Variants in PTPRD observed in about 807,000 individuals in gnomAD.
PTPRD encodes the protein protein tyrosine phosphatase receptor type D, also known as receptor-type tyrosine-protein phosphatase delta.
PTPRD carries 34 observed loss-of-function variants against 214.5 expected under a neutral mutation model. The ratio of observed to expected loss-of-function variants is 0.16; its 90% confidence interval spans 0.12 to 0.21. PTPRD has a LOEUF of 0.21. Ranked by LOEUF, PTPRD falls within the 10% of genes least tolerant of loss-of-function variation. The pLI is 1.00. For synonymous variants in PTPRD, 1,128 were observed against 845.7 expected (o/e 1.33, Z -5.79); for missense variants, 2,545 against 2,398.7 (o/e 1.06, Z -1.27).
At chr9:9,830,092 A>T (rs1230962259) in intron 5 of PTPRD, among the ~76,000 whole-genome samples, 1 of 151,714 alleles carries the variant, frequency 6.6e-6, no homozygotes, top group Non-Finnish European at 1.5e-5. Context: ...AAGTAAAAAT[A>T]ATATTGTTTT....
intron 3 of PTPRD, among the ~76,000 whole-genome samples, chr9:10,151,980 T>C (rs1040061205): frequency 6.6e-6 from 1 of 152,222 alleles, no homozygotes. Flanking sequence ...TTGGGGCAAG[T>C]ATGATTGAAG....
At chr9:8,740,970 C>G (rs977803105) in intron 11 of PTPRD, among the ~76,000 whole-genome samples, 13 of 152,090 alleles carry the variant, frequency 8.5e-5, no homozygotes, top group African/African-American at 2.4e-4. Flanking sequence ...ATGCCTAACT[C>G]TAATACACAG....
chr9:9,716,415 T>C (rs957081948), intron 7 of PTPRD, among the ~76,000 whole-genome samples: 1 of 151,952 alleles, frequency 6.6e-6, no homozygotes, highest in African/African-American at 2.4e-5. Context: ...TCTAGATCCC[T>C]GAGGAATCGC....
At chr9:10,016,385 A>C (rs2096714771) in intron 4 of PTPRD, among the ~76,000 whole-genome samples, 1 of 139,026 alleles carries the variant, frequency 7.2e-6, no homozygotes, top group Non-Finnish European at 1.5e-5. Flanking sequence ...AGATAGATAG[A>C]TAGATAGATA....
chr9:10,168,243 T>C (rs1156437501), intron 3 of PTPRD, among the ~76,000 whole-genome samples: 1 of 152,204 alleles, frequency 6.6e-6, no homozygotes, highest in Non-Finnish European at 1.5e-5. Flanking sequence ...TATAATTTTA[T>C]TCAATTATTT....
intron 12 of PTPRD, among the ~76,000 whole-genome samples, chr9:8,670,475 G>A (rs932898355): frequency 6.6e-6 from 1 of 152,092 alleles, no homozygotes; most frequent in Non-Finnish European, 1.5e-5. Context: ...TCTGTGTCTG[G>A]CTAATAAGTA....
intron 4 of PTPRD, among the ~76,000 whole-genome samples, chr9:10,017,396 G>A (rs2096743022): frequency 6.6e-6 from 1 of 151,708 alleles, no homozygotes; most frequent in South Asian, 2.1e-4. Flanking sequence ...TTTCTTTATG[G>A]ACTATAAACA....
chr9:8,368,401 T>C (rs2080545759), intron 39 of PTPRD, among the ~76,000 whole-genome samples: 1 of 152,114 alleles, frequency 6.6e-6, no homozygotes, highest in Non-Finnish European at 1.5e-5. Flanking sequence ...TTGCTATTCT[T>C]AGGCACGAAA....
Position 8,914,653 on chromosome 9 carries a change from TAGG to T in PTPRD, c.-104+104041_-104+104043del, listed in dbSNP as rs935386667. Among the ~76,000 whole-genome samples, 5 of 152,158 alleles carry T rather than the reference TAGG, an allele frequency of 3.3e-5. No individual in the cohort carries two copies. In the East Asian group the frequency reaches 5.8e-4, roughly 18 times the overall value. On this transcript the variant is annotated intron_variant, in intron 11 of 45. Coordinates refer to ENST00000381196, the MANE Select transcript of PTPRD (RefSeq NM_002839.4). The stretch of plus-strand genomic sequence containing the variant: ...CCATGTTGAGGGCTGACAATGTAAC[TAGG>T]AGTTCTACAAATTAACTTCCACATA...
chr9:8,504,492 T>C (rs2097495164), intron 22 of PTPRD, 87 bp from the exon 23 acceptor site: 3 of 1,436,238 alleles, frequency 2.1e-6, no homozygotes, highest in Admixed American at 1.8e-5. Flanking sequence ...CAGATTTCTA[T>C]CATCAGGATT....
intron 14 of PTPRD, among the ~76,000 whole-genome samples, chr9:8,563,343 T>A (rs985797042): frequency 6.6e-6 from 1 of 151,984 alleles, no homozygotes; most frequent in African/African-American, 2.4e-5. Context: ...GTGCAGTTGA[T>A]CACATATCAA....
intron 7 of PTPRD, among the ~76,000 whole-genome samples, chr9:9,699,859 A>G (rs1380800882): frequency 1.3e-5 from 2 of 152,220 alleles, no homozygotes; most frequent in Non-Finnish European, 2.9e-5. Flanking sequence ...GAGTCAGCAT[A>G]CCAGCTGCTC....
chr9:9,218,648 C>G (rs1053806821), intron 9 of PTPRD, among the ~76,000 whole-genome samples: 2 of 152,040 alleles, frequency 1.3e-5, no homozygotes, highest in African/African-American at 2.4e-5. Flanking sequence ...GTAACTAAAT[C>G]TGGGACTGTA....
At chr9:9,013,267 T>G (rs1046463451) in intron 11 of PTPRD, among the ~76,000 whole-genome samples, 2 of 152,058 alleles carry the variant, frequency 1.3e-5, no homozygotes, top group Non-Finnish European at 2.9e-5. Flanking sequence ...CCACCGACAC[T>G]AGAATTAATC....
chr9:9,353,239 A>G (rs1022722670), intron 9 of PTPRD, among the ~76,000 whole-genome samples: 1 of 151,872 alleles, frequency 6.6e-6, no homozygotes, highest in Non-Finnish European at 1.5e-5. Flanking sequence ...CTGTTACCAA[A>G]CTCTTAAAGT....
At chr9:10,134,727 A>G (rs2098929521) in intron 3 of PTPRD, among the ~76,000 whole-genome samples, 1 of 152,134 alleles carries the variant, frequency 6.6e-6, no homozygotes, top group African/African-American at 2.4e-5. Flanking sequence ...CCCCATCTAA[A>G]CAAAAGCAAC....
intron 5 of PTPRD, among the ~76,000 whole-genome samples, chr9:9,921,748 G>C (rs1448376461): frequency 2.8e-5 from 4 of 141,324 alleles, no homozygotes; most frequent in Middle Eastern, 3.6e-3. Flanking sequence ...CCAATTTATA[G>C]AAGTAAAAAA....
At chr9:8,851,360 AAAATTATTTCTAG>A (rs777419455) in intron 11 of PTPRD, among the ~76,000 whole-genome samples, 23 of 152,220 alleles carry the variant, frequency 1.5e-4, no homozygotes, top group Non-Finnish European at 2.8e-4. Context: ...CATTCTAGGT[AAAATTATTTCTAG>A]CTTTTGCTTT....
intron 3 of PTPRD, among the ~76,000 whole-genome samples, chr9:10,060,869 TTTCC>T (rs761292264): frequency 0.022 from 1,813 of 83,322 alleles, 124 homozygotes; most frequent in East Asian, 0.097. Flanking sequence ...TCCTTCCTTC[TTTCC>T]TTCCTTCCTT....
Sources: allele counts gnomAD v4.1 joint callset (sites outside exome capture counted in the v4.1 genomes callset), GRCh38; gene constraint gnomAD v4.1.1; transcripts MANE v1.5; gene names NCBI Gene and HGNC (gene_info 2026-07-23, HGNC 2026-07-21).